Variants in MAP7 observed in about 807,000 individuals in gnomAD.
The protein encoded by MAP7 is microtubule associated protein 7, also known as ensconsin.
In MAP7, 52 loss-of-function variants were observed where a neutral mutation model predicts 94.8. That is an observed-to-expected ratio of 0.55 (90% CI 0.44 to 0.69). MAP7 has a LOEUF of 0.69. MAP7 is among the 30% of genes least tolerant of loss of function. MAP7 has a pLI of 0.00. For missense variants in MAP7, 940 were observed against 964.6 expected (o/e 0.97, Z 0.34); for synonymous variants, 350 against 357.0 (o/e 0.98, Z 0.22).
chr6:136,507,210 T>C (rs112377951), intron 1 of MAP7, among the ~76,000 whole-genome samples: 58 of 152,152 alleles, frequency 3.8e-4, no homozygotes, highest in African/African-American at 1.3e-3. Context: ...AGCTGAAATG[T>C]ACTTAAGCGG....
intron 1 of MAP7, among the ~76,000 whole-genome samples, chr6:136,452,742 A>G (rs1801572248): frequency 6.6e-6 from 1 of 151,972 alleles, no homozygotes; most frequent in African/African-American, 2.4e-5. Context: ...TAGTAGAGAT[A>G]GGGTTTCACC....
chr6:136,428,899 A>C (rs556339786), intron 1 of MAP7, among the ~76,000 whole-genome samples: 3 of 152,216 alleles, frequency 2.0e-5, no homozygotes, highest in Admixed American at 6.5e-5. Context: ...TCTGATGTGA[A>C]GTAGACGTGA....
intron 3 of MAP7, among the ~76,000 whole-genome samples, chr6:136,410,222 C>T (rs1302974067): frequency 2.0e-5 from 3 of 151,878 alleles, no homozygotes; most frequent in Admixed American, 6.6e-5. Flanking sequence ...TATGAATCCA[C>T]GCTATAACTA....
chr6:136,398,562 G>A (rs1783168535), intron 3 of MAP7, among the ~76,000 whole-genome samples: 1 of 152,172 alleles, frequency 6.6e-6, no homozygotes, highest in Non-Finnish European at 1.5e-5. Flanking sequence ...TGTGGGAGTA[G>A]TTTCCCCCAT....
intron 1 of MAP7, among the ~76,000 whole-genome samples, chr6:136,542,276 G>A (rs1317807159): frequency 6.6e-6 from 1 of 152,138 alleles, no homozygotes; most frequent in African/African-American, 2.4e-5. Context: ...GCTAGAGAAC[G>A]AGACAAACCC....
At chr6:136,439,489 C>T (rs1396525015) in intron 1 of MAP7, among the ~76,000 whole-genome samples, 3 of 152,246 alleles carry the variant, frequency 2.0e-5, no homozygotes, top group African/African-American at 7.2e-5. Context: ...GCAGCATAAA[C>T]GGTCTAAGAC....
chr6:136,467,652 C>G (rs1807564647), intron 1 of MAP7, among the ~76,000 whole-genome samples: 2 of 152,096 alleles, frequency 1.3e-5, no homozygotes, highest in African/African-American at 2.4e-5. Flanking sequence ...ACACTTTTGA[C>G]TTGGGATTAT....
intron 1 of MAP7, among the ~76,000 whole-genome samples, chr6:136,504,826 T>C (rs760510582): frequency 3.9e-5 from 6 of 152,266 alleles, no homozygotes; most frequent in Non-Finnish European, 7.4e-5. Context: ...ATTACAGGCA[T>C]GTGCCACAAC....
chr6:136,507,628 A>G (rs1821970899), intron 1 of MAP7, among the ~76,000 whole-genome samples: 2 of 152,330 alleles, frequency 1.3e-5, no homozygotes, highest in South Asian at 4.1e-4. Context: ...CTGTTGAACT[A>G]AGAAAGCTTT....
intron 1 of MAP7, among the ~76,000 whole-genome samples, chr6:136,465,973 ATT>A (rs1369512325): frequency 7.2e-5 from 11 of 152,176 alleles, no homozygotes; most frequent in Non-Finnish European, 1.3e-4. Context: ...TATTCTAAAA[ATT>A]AAACTTGATA....
intron 1 of MAP7, among the ~76,000 whole-genome samples, chr6:136,465,809 G>A (rs1324759642): frequency 6.6e-6 from 1 of 152,058 alleles, no homozygotes; most frequent in African/African-American, 2.4e-5. Flanking sequence ...TCTTCTAACA[G>A]TTGCTGGATA....
At chr6:136,356,372 C>T (rs1790937511) in intron 16 of MAP7, among the ~76,000 whole-genome samples, 1 of 152,070 alleles carries the variant, frequency 6.6e-6, no homozygotes, top group Admixed American at 6.6e-5. Flanking sequence ...TGCTATGTTG[C>T]CCAGGCTGGT....
Position 136,345,966 on chromosome 6 carries a change from G to C in MAP7, c.2129C>G (p.Thr710Ser). 1 of 1,613,776 alleles carries C rather than the reference G, an allele frequency of 6.2e-7. No individual in the cohort carries two copies. Among genetic ancestry groups the C allele is most frequent in the Non-Finnish European group, 8.5e-7 (1 of 1,179,688 alleles). Residue 710 changes from threonine (T) to serine (S), a missense_variant, in exon 17 of 18, where the codon ACC (threonine) becomes AGC (serine). By Grantham distance (58) the Thr-to-Ser change is moderately conservative. Transcript: ENST00000354570. ...IGSKPSRLDVTNSESPEIPLN... is the reference protein window; with the variant it reads ...IGSKPSRLDVSNSESPEIPLN... ...AGGAATTTCTGGGCTCTCACTGTTG[G>C]TGACATCTAATCTGGATGGTTTAGA...
chr6:136,414,435 T>G (rs1259798674), intron 2 of MAP7, among the ~76,000 whole-genome samples: 1 of 151,838 alleles, frequency 6.6e-6, no homozygotes, highest in Non-Finnish European at 1.5e-5. Context: ...GAAGTGGACA[T>G]GACGACCCTC....
At chr6:136,366,942 A>T (rs1794498316) in intron 8 of MAP7, among the ~76,000 whole-genome samples, 1 of 152,038 alleles carries the variant, frequency 6.6e-6, no homozygotes, top group East Asian at 1.9e-4. Flanking sequence ...TTTTATATTG[A>T]TGTTGTATAA....
At chr6:136,419,386 C>T (rs749564956) in intron 2 of MAP7, among the ~76,000 whole-genome samples, 14 of 152,192 alleles carry the variant, frequency 9.2e-5, no homozygotes, top group South Asian at 4.1e-4. Flanking sequence ...GTTAAATTCT[C>T]ATTGTATTAC....
intron 1 of MAP7, among the ~76,000 whole-genome samples, chr6:136,453,276 T>C (rs1801750400): frequency 6.6e-6 from 1 of 152,204 alleles, no homozygotes; most frequent in Admixed American, 6.5e-5. Context: ...CAAAACATTC[T>C]GATGGCAGCC....
intron 12 of MAP7, 90 bp from the exon 13 acceptor site, chr6:136,360,888 G>C (rs543407524): frequency 1.0e-5 from 16 of 1,553,412 alleles, no homozygotes; most frequent in Non-Finnish European, 1.3e-5. Flanking sequence ...GCGAGGTGGC[G>C]GATGGAGAAG....
chr6:136,478,384 A>C (rs1036283850), intron 1 of MAP7, among the ~76,000 whole-genome samples: 1 of 152,146 alleles, frequency 6.6e-6, no homozygotes, highest in African/African-American at 2.4e-5. Flanking sequence ...GGAGTTCAAG[A>C]CCAGCCTGGG....
Sources: gnomAD v4.1 joint callset for allele counts (sites outside exome capture counted in the v4.1 genomes callset) on GRCh38, gnomAD v4.1.1 for gene constraint, MANE v1.5 for transcripts, NCBI Gene and HGNC (gene_info 2026-07-23, HGNC 2026-07-21) for gene names.